The following FBXW2 variants were observed in gnomAD, a reference collection of about 807,000 sequenced individuals.
FBXW2 encodes F-box and WD repeat domain containing 2.
In FBXW2, 12 loss-of-function variants were observed where a neutral mutation model predicts 46.0. That is an observed-to-expected ratio of 0.26 (90% confidence interval 0.17 to 0.42). The LOEUF (loss-of-function observed/expected upper bound fraction) is 0.42. Among genes scored for constraint, FBXW2 ranks in the 10% least tolerant of loss-of-function variants. FBXW2 has a pLI of 1.00. For synonymous variants in FBXW2, 203 were observed against 209.6 expected, an observed-to-expected ratio of 0.97 and a Z score of 0.27; for missense variants, 360 against 537.0, an observed-to-expected ratio of 0.67 and a Z score of 3.26.
chr9:120,792,610 A>T (rs1310769232), intron 2 of FBXW2: 2 of 201,124 alleles, frequency 9.9e-6, no homozygotes, highest in Admixed American at 5.9e-5. Flanking sequence ...GAATACAAAT[A>T]ATGTTTATAA....
intron 6 of FBXW2, 27 bp from the exon 7 acceptor site, chr9:120,771,544 A>G: frequency 6.3e-7 from 1 of 1,592,708 alleles, no homozygotes; most frequent in African/African-American, 1.3e-5. Flanking sequence ...ATGAGGAAAG[A>G]TGAGAGATCA....
At chr9:120,776,386 C>T (rs2131324480) in intron 4 of FBXW2, 160 bp from the exon 5 acceptor site, 2 of 757,002 alleles carry the variant, frequency 2.6e-6, no homozygotes, top group East Asian at 5.8e-5. Flanking sequence ...AAAACTATTT[C>T]AAAATTCTTA....
intron 3 of FBXW2, among the ~76,000 whole-genome samples, chr9:120,782,443 C>A (rs949684664): frequency 6.6e-6 from 1 of 151,394 alleles, no homozygotes; most frequent in Non-Finnish European, 1.5e-5. Context: ...CCAGCCTGGG[C>A]ACCAAATTGA....
intron 3 of FBXW2, among the ~76,000 whole-genome samples, chr9:120,786,015 T>C (rs573756979): frequency 2.4e-4 from 19 of 80,646 alleles, no homozygotes; most frequent in African/African-American, 7.1e-4. Flanking sequence ...TGAGACTCCA[T>C]CTCAAAAAAA....
At chr9:120,778,132 C>G (rs982083579) in intron 4 of FBXW2, among the ~76,000 whole-genome samples, 40 of 151,460 alleles carry the variant, frequency 2.6e-4, no homozygotes, top group Non-Finnish European at 5.6e-4. Flanking sequence ...ACCCTTCCCA[C>G]CAGAAGGGTA....
At position 120,793,151 on chromosome 9, in the gene FBXW2, G is replaced by A. The variant is rs574199384; in HGVS notation, c.-23C>T. 23 of 596,416 alleles carry A rather than the reference G, an allele frequency of 3.9e-5. No individual in the cohort carries two copies. Among genetic ancestry groups the A allele is most frequent in the Non-Finnish European group, 5.8e-5 (20 of 342,654 alleles). The allele number at this position is 596,416 out of a possible 1,614,324, so 36.9% of individuals were successfully genotyped here. A position where few individuals can be genotyped will look rare whatever the true frequency, so the allele number is the denominator to read the frequency against. On this transcript the variant is annotated splice_region_variant and 5_prime_UTR_variant, in exon 2 of 8. Coordinates refer to ENST00000608872, the MANE Select transcript of FBXW2 (RefSeq NM_012164.4). ...ATCGTGTTCCGCGCGGCACTGACCT[G>A]AGCGAGCGCCCCGGGGCCCGGGACC...
chr9:120,792,990 G>A, intron 2 of FBXW2, 159 bp downstream of exon 2: 3 of 1,530,004 alleles, frequency 2.0e-6, no homozygotes, highest in Non-Finnish European at 1.8e-6. Context: ...GTAGCCCTGG[G>A]ACATCACTGT....
At chr9:120,773,355 A>G (rs1052171673) in intron 5 of FBXW2, among the ~76,000 whole-genome samples, 2 of 152,226 alleles carry the variant, frequency 1.3e-5, no homozygotes, top group African/African-American at 2.4e-5. Flanking sequence ...ATCTGCTTTC[A>G]TAACTATGTG....
At position 120,778,234 on chromosome 9, in the gene FBXW2, G is replaced by A. The variant is rs1324597284; in HGVS notation, c.685+117C>T. 3.4e-6 allele frequency: 3 copies of A among 894,196 alleles called. No individual in the cohort carries two copies. The Admixed American group carries it at 8.7e-5, about 26-fold the overall frequency. 55.4% of individuals were successfully genotyped at this position (894,196 alleles called of 1,614,324 possible). A position where few individuals can be genotyped will look rare whatever the true frequency, so the allele number is the denominator to read the frequency against. On this transcript the variant is annotated intron_variant, in intron 4 of 7. Coordinates refer to ENST00000608872, the MANE Select transcript of FBXW2 (RefSeq NM_012164.4). ...AAAGGGAAATAACTGCAATGACTAA[G>A]AAAGAGGGTTGAAAAAAGCAGGTTA... is the stretch of plus-strand genomic sequence containing the variant.
At chr9:120,788,569 TGCATCTTCATA>T (rs2044769769) in intron 2 of FBXW2, among the ~76,000 whole-genome samples, 1 of 152,228 alleles carries the variant, frequency 6.6e-6, no homozygotes, top group Admixed American at 6.5e-5. Context: ...ACGTGCTACA[TGCATCTTCATA>T]GTAATAGATT....
At chr9:120,769,222 T>A (rs906021550) in intron 7 of FBXW2, among the ~76,000 whole-genome samples, 3 of 152,236 alleles carry the variant, frequency 2.0e-5, no homozygotes, top group African/African-American at 7.2e-5. Context: ...CCCTACCTGG[T>A]CCTAGCAACT....
rs769699555 is a variant in FBXW2, at chr9:120,771,486, T to C, written c.938A>G (p.Lys313Arg). The change falls in exon 7 of 8, where the codon AAG becomes AGG. Residue 313 changes from lysine (K) to arginine (R), a missense_variant. Transcript: ENST00000608872. ...IWPIGREINC[K>R]CLKTLSVSED... ...AGAGACAGACAATGTCTTTAAGCAC[T>C]TACAGTTGATTTCTCTCCCAATTGG... The C allele has an allele frequency of 5.6e-6, 9 of 1,612,396 alleles. No homozygotes were observed. Among genetic ancestry groups the C allele is most frequent in the Non-Finnish European group, 5.9e-6 (7 of 1,179,600 alleles).
intron 3 of FBXW2, among the ~76,000 whole-genome samples, chr9:120,781,514 A>C (rs1038384315): frequency 6.6e-6 from 1 of 152,166 alleles, no homozygotes; most frequent in Non-Finnish European, 1.5e-5. Context: ...CAGAAAGATC[A>C]CTATGGCTAT....
chr9:120,776,233 C>T lies in FBXW2; in HGVS notation c.686-7G>A. On this transcript the variant is annotated splice_region_variant and splice_polypyrimidine_tract_variant and intron_variant, in intron 4 of 7. Transcript: ENST00000608872. ...TTGTAGTCCACGCTAAATACTAGTG[C>T]ATATAATTACACAAAGTTAAAACAT... 2 of 1,612,198 alleles carry T rather than the reference C, an allele frequency of 1.2e-6. No individual in the cohort carries two copies. The highest frequency in any genetic ancestry group is 1.7e-6 in the Non-Finnish European group (2 of 1,179,370).
At chr9:120,778,649 C>A in intron 3 of FBXW2, 104 bp from the exon 4 acceptor site, 1 of 951,840 alleles carries the variant, frequency 1.1e-6, no homozygotes, top group African/African-American at 1.6e-5. Context: ...CGGTCCCTTC[C>A]TCTAGCACTT....
At chr9:120,786,862 CAT>C (rs1233149920) in intron 3 of FBXW2, among the ~76,000 whole-genome samples, 1 of 152,066 alleles carries the variant, frequency 6.6e-6, no homozygotes, top group Non-Finnish European at 1.5e-5. Context: ...TGGAAAATAA[CAT>C]ATAATTTTAA....
intron 5 of FBXW2, among the ~76,000 whole-genome samples, chr9:120,773,705 T>G (rs2044428884): frequency 6.6e-6 from 1 of 152,192 alleles, no homozygotes. Flanking sequence ...GACCTATTAC[T>G]AAGTATCAGG....
At chr9:120,768,400 G>T (rs139676347) in intron 7 of FBXW2, among the ~76,000 whole-genome samples, 17 of 152,178 alleles carry the variant, frequency 1.1e-4, no homozygotes, top group Non-Finnish European at 2.4e-4. Context: ...CCTGAGTTTG[G>T]TAAGTACTTC....
chr9:120,786,331 A>G (rs2044722681), intron 3 of FBXW2, among the ~76,000 whole-genome samples: 2 of 152,102 alleles, frequency 1.3e-5, no homozygotes, highest in East Asian at 1.9e-4. Flanking sequence ...TGATGGTTTT[A>G]TAAGGGCCTC....
Sources: allele counts gnomAD v4.1 joint callset (sites outside exome capture counted in the v4.1 genomes callset), GRCh38; gene constraint gnomAD v4.1.1; transcripts MANE v1.5; gene names NCBI Gene and HGNC (gene_info 2026-07-23, HGNC 2026-07-21).